TAMM41: variants seen among roughly 807,000 people sequenced by gnomAD.
TAMM41 encodes the protein phosphatidate cytidylyltransferase, mitochondrial.
In TAMM41, 36 loss-of-function variants were observed where a neutral mutation model predicts 44.1. That is an observed-to-expected ratio of 0.82 (90% CI 0.63 to 1.08). TAMM41 has a LOEUF of 1.08. Ranked by LOEUF, TAMM41 falls within the 50% of genes least tolerant of loss-of-function variation. The probability of loss-of-function intolerance (pLI) is 0.00; values close to 1 mark genes in which losing one functional copy is unlikely to be tolerated. For missense variants in TAMM41, 417 were observed against 404.3 expected (o/e 1.03, Z -0.27); for synonymous variants, 164 against 153.1 (o/e 1.07, Z -0.53).
intron 2 of TAMM41, 111 bp downstream of exon 2, chr3:11,843,918 C>T (rs965584130): frequency 9.1e-7 from 1 of 1,101,420 alleles, no homozygotes; most frequent in Non-Finnish European, 1.3e-6. Context: ...TAACAACGTC[C>T]AGCAGGAGTG....
chr3:11,833,182 G>A, intron 3 of TAMM41: 1 of 1,277,296 alleles, frequency 7.8e-7, no homozygotes, highest in Non-Finnish European at 1.0e-6. Context: ...TCAGATTTGT[G>A]AATAGCTGTT....
intron 7 of TAMM41, 70 bp downstream of exon 7, chr3:11,807,763 C>G: frequency 6.5e-7 from 1 of 1,536,084 alleles, no homozygotes; most frequent in Middle Eastern, 1.7e-4. Flanking sequence ...CAAAGCTTTA[C>G]ACTGTAACCA....
chr3:11,802,384 CACAG>C (rs1347446537), intron 7 of TAMM41, among the ~76,000 whole-genome samples: 1 of 151,904 alleles, frequency 6.6e-6, no homozygotes, highest in Admixed American at 6.6e-5. Context: ...CAACTGATAC[CACAG>C]ACATACAGAA....
At chr3:11,808,616 C>CA (rs1217359536) in intron 6 of TAMM41, 1 of 985,286 alleles carries the variant, frequency 1.0e-6, no homozygotes, top group African/African-American at 1.7e-5. Flanking sequence ...ACTCAATTGA[C>CA]AGAGGGACTC....
At chr3:11,799,608 A>G (rs73132964) in intron 7 of TAMM41, among the ~76,000 whole-genome samples, 2,046 of 152,348 alleles carry the variant, frequency 0.013, 49 homozygotes, top group African/African-American at 0.046. Flanking sequence ...GCAATGTGGC[A>G]TCATTAGAAG....
intron 4 of TAMM41, among the ~76,000 whole-genome samples, 173 bp downstream of exon 4, chr3:11,829,541 G>A (rs573163204): frequency 1.3e-5 from 2 of 152,256 alleles, no homozygotes; most frequent in African/African-American, 4.8e-5. Flanking sequence ...ATGTGGAGAG[G>A]GGACCCAGGA....
At chr3:11,838,280 T>C (rs1052566890) in intron 3 of TAMM41, among the ~76,000 whole-genome samples, 10 of 151,920 alleles carry the variant, frequency 6.6e-5, no homozygotes, top group Non-Finnish European at 2.9e-5. Flanking sequence ...GGTGGTGTGA[T>C]CTCGGCTCAT....
intron 7 of TAMM41, among the ~76,000 whole-genome samples, chr3:11,793,083 A>AAAAAAAAAAAAAAAAAAAAAAAAAAAGAG (rs1553566249): frequency 7.5e-6 from 1 of 132,636 alleles, no homozygotes; most frequent in African/African-American, 2.7e-5. Flanking sequence ...AAAAAAAAAA[A>AAAAAAAAAAAAAAAAAAAAAAAAAAAGAG]AGAGAGTGAA....
the TAMM41 span, among the ~76,000 whole-genome samples, chr3:11,779,820 G>A: frequency 1.6e-4 from 24 of 152,198 alleles, no homozygotes; most frequent in African/African-American, 5.5e-4. Flanking sequence ...GTTCAGACCC[G>A]AATTCATCAC....
intron 2 of TAMM41, 60 bp downstream of exon 2, chr3:11,843,969 C>T (rs954072502): frequency 1.4e-5 from 21 of 1,541,866 alleles, no homozygotes; most frequent in Admixed American, 3.6e-5. Context: ...ATTTAGCTGG[C>T]ACTCTAATAA....
downstream of TAMM41, among the ~76,000 whole-genome samples, chr3:11,788,559 G>A (rs974000626): frequency 6.6e-6 from 1 of 152,178 alleles, no homozygotes; most frequent in African/African-American, 2.4e-5. Flanking sequence ...AAAGTGCTGG[G>A]ATTCCAAGCA....
the TAMM41 span, among the ~76,000 whole-genome samples, chr3:11,744,127 G>C: frequency 2.8e-4 from 43 of 152,058 alleles, no homozygotes; most frequent in Admixed American, 1.3e-4. Context: ...GAGTGCAATG[G>C]TGTGATCTCG....
chr3:11,839,557 A>G lies in TAMM41; in HGVS notation c.319-243T>C, dbSNP rs145501475. 4.6e-3 allele frequency among the ~76,000 whole-genome samples: 701 copies of G among 152,334 alleles called. 6 individuals carry two copies. Among genetic ancestry groups the G allele is most frequent in the African/African-American group, 0.016 (661 of 41,568 alleles). On this transcript the variant is annotated intron_variant, in intron 2 of 7. Coordinates refer to ENST00000455809, the MANE Select transcript of TAMM41 (RefSeq NM_001284401.2). ...AGGTTGCAACTGTCTTCACAAGATT[A>G]TAACAGAGAAGTCTAGCATGGCTGA...
the TAMM41 span, among the ~76,000 whole-genome samples, chr3:11,780,676 G>A: frequency 6.6e-6 from 1 of 152,148 alleles, no homozygotes; most frequent in Admixed American, 6.5e-5. Flanking sequence ...ACACTGTAAT[G>A]GCTCAACCAG....
the TAMM41 span, among the ~76,000 whole-genome samples, chr3:11,754,708 CTTTTT>C: frequency 3.1e-4 from 32 of 103,542 alleles, no homozygotes; most frequent in South Asian, 7.2e-4. Context: ...TCTCAGATCT[CTTTTT>C]TTTTTTTTTT....
chr3:11,777,310 G>A, the TAMM41 span, among the ~76,000 whole-genome samples: 1 of 152,096 alleles, frequency 6.6e-6, no homozygotes, highest in Admixed American at 6.5e-5. Context: ...GTAACTATTT[G>A]AGCTTTTGCT....
chr3:11,727,231 A>G, the TAMM41 span, among the ~76,000 whole-genome samples: 1 of 152,228 alleles, frequency 6.6e-6, no homozygotes, highest in African/African-American at 2.4e-5. Context: ...GACAGTAAGA[A>G]TGCAACTAGA....
rs556103727 is a variant in TAMM41 at position 11,805,634 on chromosome 3, G to A, written c.937+2199C>T. ...GTCCTTGAGGGCCAAATGCTCAGAG[G>A]AGTATCCAAGCAGCTGGGCTATGAG... On this transcript the variant is annotated intron_variant, in intron 7 of 7. Transcript: ENST00000455809. 7.9e-5 allele frequency among the ~76,000 whole-genome samples: 12 copies of A among 152,254 alleles called. No individual in the cohort carries two copies. The South Asian group carries it at 2.5e-3, about 32-fold the overall frequency.
chr3:11,838,948 A>C (rs1268741075), intron 3 of TAMM41, among the ~76,000 whole-genome samples: 2 of 152,170 alleles, frequency 1.3e-5, no homozygotes, highest in African/African-American at 2.4e-5. Flanking sequence ...GTTATGAATA[A>C]TAAAAGACCC....
Sources: allele counts gnomAD v4.1 joint callset (sites outside exome capture counted in the v4.1 genomes callset), GRCh38; gene constraint gnomAD v4.1.1; transcripts MANE v1.5; gene names NCBI Gene and HGNC (gene_info 2026-07-23, HGNC 2026-07-21).